The following CFH variants were observed in gnomAD, a reference collection of about 807,000 sequenced individuals.
CFH encodes the protein H factor 1 (complement).
A neutral mutation model predicts 147.3 loss-of-function variants in CFH; 53 were observed. The ratio of observed to expected loss-of-function variants is 0.36; its 90% CI spans 0.29 to 0.45. The LOEUF is 0.45. CFH is among the 20% of genes least tolerant of loss of function. The probability of loss-of-function intolerance (pLI) is 1.00; values close to 1 mark genes in which losing one functional copy is unlikely to be tolerated. For synonymous variants in CFH, 536 were observed against 489.4 expected (o/e 1.10, Z -1.26); for missense variants, 1,380 against 1,498.0 (o/e 0.92, Z 1.30).
chr1:196,713,961 C>A lies in CFH; in HGVS notation c.1519+44C>A, dbSNP rs781256554. 9.1e-6 allele frequency: 14 copies of A among 1,537,696 alleles called. No homozygotes were observed. In the African/African-American group the frequency reaches 1.1e-4, roughly 12 times the overall value. On this transcript the variant is annotated intron_variant, in intron 10 of 21. Transcript: ENST00000367429. The stretch of plus-strand genomic sequence containing the variant: ...TTGTATTGATTATCCAGATGATACA[C>A]AAAAGTTTACTAACTTTAGTCTTTT...
At chr1:196,659,144 C>T (rs1221567099) in intron 1 of CFH, among the ~76,000 whole-genome samples, 1 of 152,118 alleles carries the variant, frequency 6.6e-6, no homozygotes, top group African/African-American at 2.4e-5. Flanking sequence ...ATTTAATAAG[C>T]CCGTTGTACA....
rs755765120 is a variant in CFH at position 196,652,144 on chromosome 1, C to G, written c.27C>G (p.Cys9Trp). Reference protein sequence around the residue: MRLLAKIICLMLWAICVAE... With the variant: MRLLAKIIWLMLWAICVAE... ...TGAGACTTCTAGCAAAGATTATTTG[C>G]CTTATGTTATGGGCTATTTGTGTAG... Residue 9 changes from cysteine to tryptophan, a missense_variant, in exon 1 of 22, where the codon TGC becomes TGG. This residue lies in a region of CFH where 260 missense variants were observed against 263.3 expected (regional missense o/e 0.99). Transcript: ENST00000367429. The G allele has an allele frequency of 1.2e-6, 2 of 1,612,056 alleles. No homozygotes were observed. The highest frequency in any genetic ancestry group is 2.2e-5 in the South Asian group (2 of 91,022).
chr1:196,667,941 A>G (rs1667152756), intron 1 of CFH, among the ~76,000 whole-genome samples: 1 of 152,154 alleles, frequency 6.6e-6, no homozygotes, highest in South Asian at 2.1e-4. Context: ...TATGGGGAAA[A>G]CATCACAACA....
At chr1:196,704,665 A>G (rs1390935348) in intron 9 of CFH, among the ~76,000 whole-genome samples, 1 of 152,208 alleles carries the variant, frequency 6.6e-6, no homozygotes, top group Non-Finnish European at 1.5e-5. Flanking sequence ...CCAAATCTAA[A>G]GCAGCGCCCT....
chr1:196,671,342 TTTAA>T (rs1461516633), intron 1 of CFH, among the ~76,000 whole-genome samples: 1 of 152,072 alleles, frequency 6.6e-6, no homozygotes, highest in Non-Finnish European at 1.5e-5. Flanking sequence ...TTGTGTATCT[TTTAA>T]TTTTTATTCA....
At chr1:196,693,648 GACTA>G (rs1232506701) in intron 9 of CFH, among the ~76,000 whole-genome samples, 1 of 151,992 alleles carries the variant, frequency 6.6e-6, no homozygotes, top group Admixed American at 6.6e-5. Flanking sequence ...ACTACTAAGT[GACTA>G]ACAGGCAGGT....
At chr1:196,672,398 G>T (rs1341379534) in intron 1 of CFH, among the ~76,000 whole-genome samples, 2 of 152,112 alleles carry the variant, frequency 1.3e-5, no homozygotes, top group Non-Finnish European at 2.9e-5. Context: ...TTCCAATTTG[G>T]AGTAGAAACA....
chr1:196,708,918 T>A (rs756581328), intron 9 of CFH, among the ~76,000 whole-genome samples: 1 of 152,152 alleles, frequency 6.6e-6, no homozygotes, highest in Non-Finnish European at 1.5e-5. Context: ...TGGGACATGA[T>A]CAGAAACTTA....
chr1:196,662,673 G>A (rs1453249767), intron 1 of CFH, among the ~76,000 whole-genome samples: 1 of 152,052 alleles, frequency 6.6e-6, no homozygotes, highest in Non-Finnish European at 1.5e-5. Context: ...CTTGAGCCCA[G>A]GAGTTTGAGA....
intron 6 of CFH, among the ~76,000 whole-genome samples, chr1:196,684,057 G>A (rs1219892019): frequency 2.0e-5 from 3 of 151,766 alleles, no homozygotes; most frequent in East Asian, 1.9e-4. Context: ...ATCTTAAAAC[G>A]AATTTTGCAA....
intron 7 of CFH, among the ~76,000 whole-genome samples, chr1:196,688,598 T>A (rs951604676): frequency 6.6e-6 from 1 of 152,114 alleles, no homozygotes; most frequent in Non-Finnish European, 1.5e-5. Context: ...GGAAAGAGCC[T>A]AATTTATTTA....
chr1:196,694,187 G>T (rs1684986099), intron 9 of CFH, among the ~76,000 whole-genome samples: 1 of 151,938 alleles, frequency 6.6e-6, no homozygotes, highest in Non-Finnish European at 1.5e-5. Flanking sequence ...CCCGGTGTGT[G>T]ATGTTCCCCT....
intron 7 of CFH, among the ~76,000 whole-genome samples, chr1:196,686,368 T>G (rs1037803292): frequency 6.6e-6 from 1 of 152,124 alleles, no homozygotes; most frequent in Non-Finnish European, 1.5e-5. Context: ...CTCCAAGTCT[T>G]AGTCATTTCC....
intron 7 of CFH, among the ~76,000 whole-genome samples, chr1:196,689,027 A>AAAAGAAAG (rs36170795): frequency 1.3e-5 from 2 of 149,646 alleles, no homozygotes; most frequent in Non-Finnish European, 3.0e-5. Flanking sequence ...GAATAGAAAA[A>AAAAGAAAG]AAAGAAAGAA....
chr1:196,716,860 G>A (rs567210118), intron 11 of CFH, among the ~76,000 whole-genome samples: 84 of 152,116 alleles, frequency 5.5e-4, no homozygotes, highest in Middle Eastern at 3.4e-3. Flanking sequence ...TGATTGAGTC[G>A]CCAATGGAAA....
chr1:196,653,894 G>C (rs183836067), intron 1 of CFH, among the ~76,000 whole-genome samples: 1 of 152,006 alleles, frequency 6.6e-6, no homozygotes, highest in African/African-American at 2.4e-5. Context: ...GCAATGCTTA[G>C]GCCAGCCTCA....
chr1:196,683,229 C>A (rs1323581775), intron 6 of CFH, among the ~76,000 whole-genome samples: 1 of 151,370 alleles, frequency 6.6e-6, no homozygotes, highest in African/African-American at 2.4e-5. Flanking sequence ...ATGGAGAACA[C>A]CAAAAAGTAT....
chr1:196,700,186 C>A (rs898630008), intron 9 of CFH, among the ~76,000 whole-genome samples: 1 of 152,164 alleles, frequency 6.6e-6, no homozygotes, highest in Non-Finnish European at 1.5e-5. Flanking sequence ...GCCACTCCCC[C>A]TTCAAAGATT....
At chr1:196,691,028 T>G (rs969584170) in intron 9 of CFH, among the ~76,000 whole-genome samples, 1 of 152,126 alleles carries the variant, frequency 6.6e-6, no homozygotes, top group Non-Finnish European at 1.5e-5. Context: ...CAGTTCGATT[T>G]TACAGGCTCC....
Sources: gnomAD v4.1 joint callset for allele counts (sites outside exome capture counted in the v4.1 genomes callset) on GRCh38, gnomAD v4.1.1 for gene constraint, gnomAD v4.1.1 regional missense constraint, MANE v1.5 for transcripts, NCBI Gene and HGNC (gene_info 2026-07-23, HGNC 2026-07-21) for gene names.